The following PDE4D variants were observed in gnomAD, a reference collection of about 807,000 sequenced individuals.
PDE4D encodes phosphodiesterase 4D.
In PDE4D, 24 loss-of-function variants were observed where a neutral mutation model predicts 87.4. The ratio of observed to expected loss-of-function variants is 0.27; its 90% CI spans 0.20 to 0.39. The LOEUF (loss-of-function observed/expected upper bound fraction) is 0.39, where lower values mean the gene tolerates loss of function less well. Among genes scored for constraint, PDE4D ranks in the 10% least tolerant of loss-of-function variants. The pLI is 1.00. For missense variants in PDE4D, 714 were observed against 1,041.0 expected, an observed-to-expected ratio of 0.69 and a Z score of 4.32; for synonymous variants, 384 against 383.2, an observed-to-expected ratio of 1.00 and a Z score of -0.02.
At chr5:60,481,339 T>C (rs1449537876) in intron 1 of PDE4D, among the ~76,000 whole-genome samples, 1 of 152,222 alleles carries the variant, frequency 6.6e-6, no homozygotes, top group African/African-American at 2.4e-5. Flanking sequence ...TGAAAAAAAA[T>C]TGTTTACTGA....
chr5:59,771,119 G>A (rs1276115390), intron 1 of PDE4D, among the ~76,000 whole-genome samples: 1 of 149,360 alleles, frequency 6.7e-6, no homozygotes, highest in African/African-American at 2.5e-5. Context: ...ATGACAGAGC[G>A]AGACCCAGCC....
chr5:59,892,323 A>T (rs1184480367), intron 1 of PDE4D, among the ~76,000 whole-genome samples: 2 of 152,122 alleles, frequency 1.3e-5, no homozygotes, highest in African/African-American at 4.8e-5. Context: ...CTTCCGGAGC[A>T]CTTACGTTAA....
chr5:59,110,323 A>C (rs528441680), intron 5 of PDE4D, among the ~76,000 whole-genome samples: 1 of 152,272 alleles, frequency 6.6e-6, no homozygotes, highest in African/African-American at 2.4e-5. Context: ...TCTCCAGGGA[A>C]AACACTACTC....
At chr5:59,040,699 G>A (rs1191283831) in intron 5 of PDE4D, among the ~76,000 whole-genome samples, 1 of 152,168 alleles carries the variant, frequency 6.6e-6, no homozygotes, top group Non-Finnish European at 1.5e-5. Context: ...ACTCCCAAGG[G>A]TCCATTTGAT....
chr5:60,292,109 A>T (rs751268836), intron 1 of PDE4D, among the ~76,000 whole-genome samples: 1 of 152,208 alleles, frequency 6.6e-6, no homozygotes, highest in Non-Finnish European at 1.5e-5. Flanking sequence ...ACAAGTGCAT[A>T]TTGAAAACTA....
intron 1 of PDE4D, among the ~76,000 whole-genome samples, chr5:59,595,816 A>C (rs890997135): frequency 6.6e-6 from 1 of 152,052 alleles, no homozygotes; most frequent in Admixed American, 6.6e-5. Context: ...AAAAATCTTA[A>C]GTAGTATATC....
chr5:59,431,383 G>C (rs1796089750), intron 1 of PDE4D, among the ~76,000 whole-genome samples: 1 of 152,114 alleles, frequency 6.6e-6, no homozygotes, highest in Admixed American at 6.6e-5. Context: ...AGGGTAATGA[G>C]AGTAGCAGGT....
intron 2 of PDE4D, among the ~76,000 whole-genome samples, chr5:60,144,873 T>C (rs1057353327): frequency 5.3e-5 from 8 of 152,196 alleles, no homozygotes; most frequent in African/African-American, 1.4e-4. Flanking sequence ...AATTAACTAA[T>C]ATAGATCACT....
intron 1 of PDE4D, among the ~76,000 whole-genome samples, chr5:60,446,716 G>A (rs1745671025): frequency 6.6e-6 from 1 of 152,144 alleles, no homozygotes; most frequent in South Asian, 2.1e-4. Context: ...GTGTTAATAA[G>A]AGAATTCAGA....
chr5:60,248,300 C>A (rs925288089), intron 1 of PDE4D, among the ~76,000 whole-genome samples: 23 of 151,946 alleles, frequency 1.5e-4, no homozygotes, highest in Non-Finnish European at 3.4e-4. Context: ...TATAAAAGAG[C>A]AGCAAGGAAA....
intron 1 of PDE4D, among the ~76,000 whole-genome samples, chr5:59,861,601 A>G (rs1309142701): frequency 1.3e-5 from 2 of 152,218 alleles, no homozygotes; most frequent in African/African-American, 4.8e-5. Flanking sequence ...GTAGCGCTCT[A>G]CTTTTCAGAA....
intron 11 of PDE4D, among the ~76,000 whole-genome samples, chr5:58,983,639 G>C (rs1224779558): frequency 6.6e-6 from 1 of 152,184 alleles, no homozygotes; most frequent in Non-Finnish European, 1.5e-5. Flanking sequence ...TTCACACAGA[G>C]GGCTCTGTCA....
intron 1 of PDE4D, among the ~76,000 whole-genome samples, chr5:60,519,913 G>C (rs1467166710): frequency 1.3e-5 from 2 of 152,182 alleles, no homozygotes; most frequent in Non-Finnish European, 2.9e-5. Context: ...CACTGCCAGT[G>C]AAAGAGTGAA....
At chr5:60,239,088 A>G (rs1047411410) in intron 1 of PDE4D, among the ~76,000 whole-genome samples, 12 of 152,116 alleles carry the variant, frequency 7.9e-5, no homozygotes, top group Non-Finnish European at 1.6e-4. Context: ...CTTCTAAAAA[A>G]CATAAAATCT....
intron 1 of PDE4D, among the ~76,000 whole-genome samples, chr5:59,257,731 G>C (rs912877180): frequency 6.6e-6 from 1 of 152,024 alleles, no homozygotes; most frequent in African/African-American, 2.4e-5. Flanking sequence ...TAATAAAAAT[G>C]CTCTTGTAGT....
At chr5:59,922,620 C>T (rs1561864630) in intron 3 of PDE4D, among the ~76,000 whole-genome samples, 1 of 152,106 alleles carries the variant, frequency 6.6e-6, no homozygotes, top group African/African-American at 2.4e-5. Flanking sequence ...GAACCTGCTG[C>T]CTTGAAGGGA....
At chr5:59,529,259 G>C in intron 1 of PDE4D, 1 of 453,226 alleles carries the variant, frequency 2.2e-6, no homozygotes, top group Non-Finnish European at 4.4e-6. Context: ...TATTAAGTCT[G>C]GCAATGATGA....
At chr5:60,337,388 T>TACACACACACAC (rs370108536) in intron 1 of PDE4D, among the ~76,000 whole-genome samples, 15 of 89,476 alleles carry the variant, frequency 1.7e-4, no homozygotes, top group African/African-American at 5.6e-4. Flanking sequence ...TATATATATA[T>TACACACACACAC]ACACACACAC....
chr5:59,799,139 G>C (rs1404489554), intron 1 of PDE4D, among the ~76,000 whole-genome samples: 1 of 152,176 alleles, frequency 6.6e-6, no homozygotes, highest in Non-Finnish European at 1.5e-5. Flanking sequence ...AAGGCTTCCT[G>C]TTGTCCTCAG....
Sources: allele counts gnomAD v4.1 joint callset (sites outside exome capture counted in the v4.1 genomes callset), GRCh38; gene constraint gnomAD v4.1.1; transcripts MANE v1.5; gene names NCBI Gene and HGNC (gene_info 2026-07-23, HGNC 2026-07-21).